The following LOC400499 variants were observed in gnomAD, a reference collection of about 807,000 sequenced individuals.
chr16:11,391,790 G>A, the LOC400499 span: 3 of 1,232,174 alleles, frequency 2.4e-6, no homozygotes, highest in South Asian at 4.1e-5. Context: ...TCGCCTGCAT[G>A]GCCTCCCGCC....
chr16:11,397,781 G>GGATGGATGGATGGATGGAT, the LOC400499 span, among the ~76,000 whole-genome samples: 5 of 109,156 alleles, frequency 4.6e-5, no homozygotes, highest in African/African-American at 1.5e-4. Context: ...GATGGAGGGA[G>GGATGGATGGATGGATGGAT]GGAGGGAGGG....
the LOC400499 span, among the ~76,000 whole-genome samples, chr16:11,446,064 A>G: frequency 6.6e-6 from 1 of 151,946 alleles, no homozygotes; most frequent in African/African-American, 2.4e-5. Flanking sequence ...ACCTCAGGTG[A>G]TCTGCCCGCC....
chr16:11,481,559 G>A, the LOC400499 span, among the ~76,000 whole-genome samples: 1 of 152,274 alleles, frequency 6.6e-6, no homozygotes, highest in East Asian at 1.9e-4. Context: ...CTCATCTCAG[G>A]CAATCTGCCC....
chr16:11,481,450 T>C, the LOC400499 span, among the ~76,000 whole-genome samples: 1 of 151,530 alleles, frequency 6.6e-6, no homozygotes, highest in Non-Finnish European at 1.5e-5. Flanking sequence ...AGTCTCTTGA[T>C]TAGGTGGGAT....
the LOC400499 span, among the ~76,000 whole-genome samples, chr16:11,515,038 G>T: frequency 6.6e-6 from 1 of 152,162 alleles, no homozygotes; most frequent in Non-Finnish European, 1.5e-5. Context: ...GGGCGTGGTG[G>T]CTCATTCCCG....
the LOC400499 span, chr16:11,447,903 G>T: frequency 6.6e-7 from 1 of 1,523,818 alleles, no homozygotes. Context: ...AACTTGCAGG[G>T]GTGTCAGCTG....
the LOC400499 span, among the ~76,000 whole-genome samples, chr16:11,445,833 C>G: frequency 2.7e-5 from 2 of 75,238 alleles, no homozygotes; most frequent in South Asian, 1.2e-3. Flanking sequence ...GTCAGGAGAA[C>G]CTTTTTTTTT....
chr16:11,449,921 C>T, the LOC400499 span, among the ~76,000 whole-genome samples: 3 of 152,254 alleles, frequency 2.0e-5, no homozygotes, highest in Non-Finnish European at 4.4e-5. Context: ...GCCGCCATGC[C>T]CTCTGGTTGG....
chr16:11,412,639 T>C, the LOC400499 span, among the ~76,000 whole-genome samples: 1 of 152,222 alleles, frequency 6.6e-6, no homozygotes, highest in Non-Finnish European at 1.5e-5. Context: ...AACTCATCAG[T>C]GCCCTGCCTG....
At chr16:11,426,896 CA>C in the LOC400499 span, among the ~76,000 whole-genome samples, 593 of 105,918 alleles carry the variant, frequency 5.6e-3, 3 homozygotes, top group African/African-American at 0.018. Flanking sequence ...GACCCCATCT[CA>C]AAAAAAAAAA....
chr16:11,435,352 A>G, the LOC400499 span, among the ~76,000 whole-genome samples: 1 of 152,162 alleles, frequency 6.6e-6, no homozygotes, highest in South Asian at 2.1e-4. Flanking sequence ...GAACTCAAGC[A>G]ATCCTCCTGC....
the LOC400499 span, chr16:11,414,399 G>T: frequency 2.5e-6 from 1 of 399,602 alleles, no homozygotes; most frequent in Non-Finnish European, 4.4e-6. Flanking sequence ...GGCTGGCACT[G>T]GCCACCAGCT....
chr16:11,395,122 G>C, the LOC400499 span, among the ~76,000 whole-genome samples: 1 of 152,216 alleles, frequency 6.6e-6, no homozygotes, highest in South Asian at 2.1e-4. Context: ...ACCACACGGA[G>C]TTGGCCCTGG....
chr16:11,491,809 C>T, the LOC400499 span: 1 of 398,866 alleles, frequency 2.5e-6, no homozygotes, highest in Non-Finnish European at 4.4e-6. Flanking sequence ...TCAGCATCCT[C>T]CTCCAGGGAT....
At chr16:11,513,982 G>A in the LOC400499 span, among the ~76,000 whole-genome samples, 1 of 152,104 alleles carries the variant, frequency 6.6e-6, no homozygotes, top group Non-Finnish European at 1.5e-5. Context: ...TTGTAGGAGG[G>A]CACCAAGTCC....
chr16:11,437,783 C>T, the LOC400499 span, among the ~76,000 whole-genome samples: 3 of 151,950 alleles, frequency 2.0e-5, no homozygotes, highest in African/African-American at 4.8e-5. Flanking sequence ...GCACAAGAAT[C>T]GCTTGAACCT....
the LOC400499 span, among the ~76,000 whole-genome samples, chr16:11,436,090 C>G: frequency 6.6e-6 from 1 of 152,314 alleles, no homozygotes; most frequent in Middle Eastern, 3.4e-3. Context: ...CCCAGGGGTA[C>G]AGTCCCATCT....
chr16:11,473,528 G>GCGGATCACCCGAGGTCAGGAGTTCAAGAC, the LOC400499 span, among the ~76,000 whole-genome samples: 104 of 152,222 alleles, frequency 6.8e-4, no homozygotes, highest in Middle Eastern at 3.4e-3. Flanking sequence ...GCCAAAGCAG[G>GCGGATCACCCGAGGTCAGGAGTTCAAGAC]CGGATCACCC....
chr16:11,520,995 G>C, the LOC400499 span, among the ~76,000 whole-genome samples: 1 of 152,128 alleles, frequency 6.6e-6, no homozygotes, highest in Non-Finnish European at 1.5e-5. Context: ...AACTGCAACA[G>C]AACACAATTT....
Sources: gnomAD v4.1 joint callset for allele counts (sites outside exome capture counted in the v4.1 genomes callset) on GRCh38, gnomAD v4.1.1 for gene constraint, MANE v1.5 for transcripts.